C8orf34: variants seen among roughly 807,000 people sequenced by gnomAD.
C8orf34 encodes uncharacterized protein C8orf34.
Under a neutral mutation model 68.3 loss-of-function variants are expected in C8orf34, and 65 were observed. The ratio of observed to expected loss-of-function variants is 0.95; its 90% CI spans 0.78 to 1.17. C8orf34 has a LOEUF of 1.17. Among genes scored for constraint, C8orf34 ranks in the 50% most tolerant of loss-of-function variants. C8orf34 has a pLI of 0.00. For missense variants in C8orf34, 664 were observed against 655.4 expected (o/e 1.01, Z -0.14); for synonymous variants, 244 against 241.2 (o/e 1.01, Z -0.11).
chr8:68,481,501 C>T (rs1812858861), intron 4 of C8orf34, among the ~76,000 whole-genome samples: 1 of 152,312 alleles, frequency 6.6e-6, no homozygotes, highest in Non-Finnish European at 1.5e-5. Flanking sequence ...GCACTGTGTG[C>T]CTGGAAAAGC....
At chr8:68,391,227 T>C (rs1808466691) in intron 1 of C8orf34, among the ~76,000 whole-genome samples, 2 of 152,026 alleles carry the variant, frequency 1.3e-5, no homozygotes, top group Admixed American at 1.3e-4. Flanking sequence ...CCATAGGAGG[T>C]GATATTATAA....
chr8:68,614,579 G>A (rs1164977203), intron 7 of C8orf34, among the ~76,000 whole-genome samples: 2 of 152,086 alleles, frequency 1.3e-5, no homozygotes, highest in Non-Finnish European at 2.9e-5. Context: ...TCTCAGGTTT[G>A]TCAAAGATCA....
chr8:68,414,619 C>T (rs890575363), intron 1 of C8orf34, among the ~76,000 whole-genome samples: 1 of 151,880 alleles, frequency 6.6e-6, no homozygotes, highest in Non-Finnish European at 1.5e-5. Flanking sequence ...TGCTTCCTGA[C>T]CTCAAGAACT....
At chr8:68,511,498 C>G (rs1207517350) in intron 5 of C8orf34, among the ~76,000 whole-genome samples, 1 of 152,074 alleles carries the variant, frequency 6.6e-6, no homozygotes, top group Non-Finnish European at 1.5e-5. Context: ...AGCAGGTGAC[C>G]AGCGGTGACT....
intron 8 of C8orf34, among the ~76,000 whole-genome samples, chr8:68,687,255 A>T (rs12545316): frequency 0.09 from 13,682 of 152,158 alleles, 810 homozygotes; most frequent in Middle Eastern, 0.17. Context: ...GAACTAGAAT[A>T]AAAAATCCTA....
chr8:68,533,360 T>C, intron 7 of C8orf34: 1 of 1,287,904 alleles, frequency 7.8e-7, no homozygotes, highest in Non-Finnish European at 9.8e-7. Context: ...TTAGACTGTA[T>C]TTTGTGCTTT....
At chr8:68,794,073 G>A (rs1563673613) in intron 12 of C8orf34, among the ~76,000 whole-genome samples, 1 of 152,046 alleles carries the variant, frequency 6.6e-6, no homozygotes, top group Non-Finnish European at 1.5e-5. Flanking sequence ...AAACTTATAG[G>A]TGCATGCAGG....
At chr8:68,768,070 C>T (rs1043274467) in intron 10 of C8orf34, among the ~76,000 whole-genome samples, 9 of 152,168 alleles carry the variant, frequency 5.9e-5, no homozygotes, top group Non-Finnish European at 1.3e-4. Flanking sequence ...TCTCTAATAG[C>T]TCCTGAAGAT....
chr8:68,585,832 C>CAGAAAG (rs1817193809), intron 7 of C8orf34, among the ~76,000 whole-genome samples: 1 of 152,064 alleles, frequency 6.6e-6, no homozygotes, highest in Non-Finnish European at 1.5e-5. Flanking sequence ...AGGAGAGAGA[C>CAGAAAG]AGAAAGAGAA....
chr8:68,719,465 T>G (rs1821606241), intron 9 of C8orf34, among the ~76,000 whole-genome samples: 1 of 152,008 alleles, frequency 6.6e-6, no homozygotes, highest in Non-Finnish European at 1.5e-5. Context: ...GTTAAAAAGT[T>G]AATACTGCCC....
At chr8:68,589,556 G>A (rs999692812) in intron 7 of C8orf34, among the ~76,000 whole-genome samples, 2 of 148,692 alleles carry the variant, frequency 1.3e-5, no homozygotes, top group East Asian at 2.0e-4. Context: ...AGGAATGAAG[G>A]AAGGGAGAGA....
At chr8:68,673,399 G>A (rs1035536361) in intron 8 of C8orf34, among the ~76,000 whole-genome samples, 7 of 152,054 alleles carry the variant, frequency 4.6e-5, no homozygotes, top group Non-Finnish European at 1.5e-5. Context: ...GGTCAGAGGA[G>A]AGCCCACTGT....
At chr8:68,661,895 G>A (rs557045215) in intron 8 of C8orf34, among the ~76,000 whole-genome samples, 1 of 152,178 alleles carries the variant, frequency 6.6e-6, no homozygotes, top group Admixed American at 6.5e-5. Flanking sequence ...GACTGTAGGA[G>A]AACAAAAACT....
intron 11 of C8orf34, among the ~76,000 whole-genome samples, chr8:68,784,304 C>A (rs956921835): frequency 1.3e-5 from 2 of 152,114 alleles, no homozygotes; most frequent in Admixed American, 1.3e-4. Context: ...ATTGGGTTAA[C>A]GTGTTTTTAG....
At chr8:68,618,665 G>A (rs1056418236) in intron 7 of C8orf34, among the ~76,000 whole-genome samples, 10 of 152,012 alleles carry the variant, frequency 6.6e-5, no homozygotes, top group Non-Finnish European at 1.5e-4. Context: ...ACTCTACCTG[G>A]CCTTTTATCT....
intron 7 of C8orf34, among the ~76,000 whole-genome samples, chr8:68,566,558 A>G (rs536714184): frequency 9.8e-5 from 15 of 152,290 alleles, no homozygotes; most frequent in Middle Eastern, 6.8e-3. Context: ...CTTAAACCTC[A>G]TGAACCAACC....
At chr8:68,669,366 A>G (rs1819939029) in intron 8 of C8orf34, among the ~76,000 whole-genome samples, 1 of 152,206 alleles carries the variant, frequency 6.6e-6, no homozygotes, top group Non-Finnish European at 1.5e-5. Flanking sequence ...TCTTAAAAAA[A>G]TGATCCTTTA....
intron 9 of C8orf34, among the ~76,000 whole-genome samples, chr8:68,711,831 A>G (rs947693803): frequency 3.3e-5 from 5 of 152,162 alleles, no homozygotes; most frequent in African/African-American, 1.2e-4. Flanking sequence ...AAGAAGCTCA[A>G]AGAACACCTG....
At chr8:68,433,107 G>A (rs1036194778) in intron 1 of C8orf34, among the ~76,000 whole-genome samples, 10 of 152,136 alleles carry the variant, frequency 6.6e-5, no homozygotes, top group African/African-American at 2.4e-4. Context: ...CTCATTACCT[G>A]CTTATTTATG....
Sources: gnomAD v4.1 joint callset for allele counts (sites outside exome capture counted in the v4.1 genomes callset) on GRCh38, gnomAD v4.1.1 for gene constraint, MANE v1.5 for transcripts, NCBI Gene and HGNC (gene_info 2026-07-23, HGNC 2026-07-21) for gene names.